QARS1: variants seen among roughly 807,000 people sequenced by gnomAD.
The protein encoded by QARS1 is glutaminyl-tRNA synthetase 1, also known as glutamine--tRNA ligase.
In QARS1, 79 loss-of-function variants were observed where a neutral mutation model predicts 106.9. That is an observed-to-expected ratio of 0.74 (90% CI 0.62 to 0.89). The LOEUF (loss-of-function observed/expected upper bound fraction) is 0.89. Among genes scored for constraint, QARS1 ranks in the 40% least tolerant of loss-of-function variants. QARS1 has a pLI of 0.00. For missense variants in QARS1, 966 were observed against 997.2 expected (o/e 0.97, Z 0.42); for synonymous variants, 395 against 367.7 (o/e 1.07, Z -0.85).
At position 49,103,907 on chromosome 3, in the gene QARS1, A is replaced by C; in HGVS notation, c.331T>G (p.Cys111Gly). ...PIDTVDFERE[C>G]GVGVIVTPEQ... is the part of the protein sequence containing the mutation. The stretch of plus-strand genomic sequence containing the variant: ...GGGGTCACAATGACACCCACGCCAC[A>C]TTCCCGCTCGAAGTCCACAGTGTCG... Residue 111 changes from cysteine (C) to glycine (G), a missense_variant, in exon 3 of 24, where the codon TGT becomes GGT. Physicochemically the swap from Cys to Gly is radical, Grantham distance 159. Transcript: ENST00000306125. The C allele has an allele frequency of 1.2e-6, 2 of 1,614,014 alleles. No individual in the cohort carries two copies. Among genetic ancestry groups the C allele is most frequent in the Non-Finnish European group, 1.7e-6 (2 of 1,180,004 alleles).
chr3:49,098,151 AGGG>A (rs763213756), intron 22 of QARS1, 34 bp from the exon 23 acceptor site: 301 of 1,614,172 alleles, frequency 1.9e-4, no homozygotes, highest in Admixed American at 3.7e-4. Context: ...CCATCCAACC[AGGG>A]AGGCCTACCT....
In QARS1 at chr3:49,103,401, G is replaced by C; in HGVS notation, c.460C>G (p.Arg154Gly). 1 of 1,613,968 alleles carries C rather than the reference G, an allele frequency of 6.2e-7. No homozygotes were observed. The highest frequency in any genetic ancestry group is 8.5e-7 in the Non-Finnish European group (1 of 1,180,018). ...CCATCTGCCCACTTCAGCACAGCCC[G>C]AGCCTCTCCTAGAAGCATAGGCACA... is the stretch of plus-strand genomic sequence containing the variant. The part of the protein sequence containing the change: ...FNMGLLMGEA[R>G]AVLKWADGKM... Residue 154 changes from arginine (R) to glycine (G), a missense_variant, in exon 5 of 24, where the codon CGG (arginine) becomes GGG (glycine). Physicochemically the swap from Arg to Gly is moderately radical, Grantham distance 125. Transcript: ENST00000306125.
At position 49,098,399 on chromosome 3, in the gene QARS1, A is replaced by T; in HGVS notation, c.2038T>A (p.Trp680Arg). ...AGEKPKAFIH[W>R]VSQPLMCEVR... is the part of the protein sequence containing the mutation. ...TCACACATCAAAGGCTGTGACACCC[A>T]GTGAATAAAGGCCTTTGGCTTCTCT... Residue 680 changes from tryptophan (W) to arginine (R), a missense_variant, in exon 21 of 24, where the codon TGG (tryptophan) becomes AGG (arginine). Transcript: ENST00000306125. The T allele has an allele frequency of 6.2e-7, 1 of 1,614,160 alleles. No homozygotes were observed.
intron 13 of QARS1, 21 bp from the exon 14 acceptor site, chr3:49,100,112 G>A (rs368070270): frequency 3.0e-5 from 48 of 1,614,114 alleles, no homozygotes; most frequent in Non-Finnish European, 4.1e-5. Context: ...CAAGGACTCA[G>A]GCTGTCTCTA....
intron 5 of QARS1, among the ~76,000 whole-genome samples, chr3:49,102,931 A>G (rs2042490218): frequency 6.6e-6 from 1 of 152,164 alleles, no homozygotes; most frequent in African/African-American, 2.4e-5. Flanking sequence ...GGTGTGAGCC[A>G]CCATGCCCAG....
At position 49,103,885 on chromosome 3, in the gene QARS1, G is replaced by A; in HGVS notation, c.353C>T (p.Thr118Ile). 6.2e-7 allele frequency: 1 copy of A among 1,614,038 alleles called. No homozygotes were observed. Among genetic ancestry groups the A allele is most frequent in the South Asian group, 1.1e-5 (1 of 91,084 alleles). The change falls in exon 3 of 24, where the codon ACC becomes ATC. Residue 118 changes from threonine (T) to isoleucine (I), a missense_variant. Transcript: ENST00000306125. ...ERECGVGVIV[T>I]PEQIEEAVEA... The stretch of plus-strand genomic sequence containing the variant: ...CACAGCCTCCTCAATCTGCTCTGGG[G>A]TCACAATGACACCCACGCCACATTC...
At chr3:49,101,589 C>T in intron 9 of QARS1, 31 bp downstream of exon 9, 1 of 1,611,524 alleles carries the variant, frequency 6.2e-7, no homozygotes, top group Non-Finnish European at 8.5e-7. Flanking sequence ...TGTTTGATGG[C>T]ACAAGCTCAC....
At chr3:49,101,268 A>G in intron 10 of QARS1, 87 bp downstream of exon 10, 1 of 1,037,452 alleles carries the variant, frequency 9.6e-7, no homozygotes, top group Middle Eastern at 2.7e-4. Flanking sequence ...CATTATTGGG[A>G]GCAGACAGCA....
chr3:49,103,291 G>A (rs2042494418), intron 5 of QARS1, 54 bp downstream of exon 5: 2 of 1,581,418 alleles, frequency 1.3e-6, no homozygotes, highest in African/African-American at 1.3e-5. Context: ...GTGGATTCCA[G>A]GCTCTGTTCA....
chr3:49,099,063 C>T, intron 18 of QARS1, 47 bp downstream of exon 18: 1 of 1,613,798 alleles, frequency 6.2e-7, no homozygotes, highest in South Asian at 1.1e-5. Context: ...CCAAGTGTAC[C>T]CCCAGCTACA....
rs760938297 is a variant in QARS1, at chr3:49,101,838, G to A, written c.693C>T (p.Phe231=). 21 of 1,612,460 alleles carry A rather than the reference G, an allele frequency of 1.3e-5. No homozygotes were observed. The highest frequency in any genetic ancestry group is 1.8e-5 in the Non-Finnish European group (21 of 1,179,162). ...GACATGCCCACTAACCAGGCTTGTGGAACTTAAGGGCCTCCCCCCGGAGCT... is the reference window on the plus strand; with the variant it reads ...GACATGCCCACTAACCAGGCTTGTGAAACTTAAGGGCCTCCCCCCGGAGCT... ...MEQLRGEALK[F]HKPGENYKTP... The change falls in exon 8 of 24, where the codon TTC becomes TTT. Residue 231 remains phenylalanine, a synonymous_variant. Transcript: ENST00000306125.
In QARS1 at chr3:49,098,479, C is replaced by T. The variant is rs770657741; in HGVS notation, c.1958G>A (p.Gly653Asp). The change falls in exon 21 of 24, where the codon GGC becomes GAC. Residue 653 changes from glycine (G) to aspartate (D), a missense_variant and splice_region_variant. Transcript: ENST00000306125. The part of the protein sequence containing the change: ...YVIELQHVVK[G>D]PSGCVESLEV... Reference sequence around the variant, plus strand: ...CAGACTCTCTACACAACCACTGGGGCCCTGGAAGTGGGGGGAGGGGAGCAG... The same window carrying T: ...CAGACTCTCTACACAACCACTGGGGTCCTGGAAGTGGGGGGAGGGGAGCAG... The T allele has an allele frequency of 6.2e-7, 1 of 1,614,186 alleles. No homozygotes were observed. The highest frequency in any genetic ancestry group is 8.5e-7 in the Non-Finnish European group (1 of 1,180,026).
At position 49,099,656 on chromosome 3, in the gene QARS1, GGA is replaced by G. The variant is rs1559967336; in HGVS notation, c.1389-11_1389-10del. The G allele has an allele frequency of 6.2e-7, 1 of 1,613,868 alleles. No homozygotes were observed. Among genetic ancestry groups the G allele is most frequent in the African/African-American group, 1.3e-5 (1 of 74,888 alleles). On this transcript the variant is annotated splice_polypyrimidine_tract_variant and intron_variant, in intron 15 of 23. Coordinates refer to ENST00000306125, the MANE Select transcript of QARS1 (RefSeq NM_005051.3). ...AGAAGTAGGAAGAGCGTCTGGGGTG[GGA>G]GAGTAGGGTTAGCACTGGCCAGCTC...
chr3:49,098,014 T>A lies in QARS1; in HGVS notation c.2255A>T (p.Asp752Val), dbSNP rs780539823. The A allele has an allele frequency of 5.0e-6, 8 of 1,614,172 alleles. No individual in the cohort carries two copies. The highest frequency in any genetic ancestry group is 6.8e-6 in the Non-Finnish European group (8 of 1,180,036). Residue 752 changes from aspartate (D) to valine (V), a missense_variant, in exon 23 of 24, where the codon GAT becomes GTT. By Grantham distance (152) the Asp-to-Val change is radical (BLOSUM62 -3). Coordinates refer to ENST00000306125, the MANE Select transcript of QARS1 (RefSeq NM_005051.3). ...CACCTTTCCCTGATGGCTGTCTGGA[T>A]CCACGGAGAAATATCCAAGACGCTC... Reference protein sequence around the residue: ...QFERLGYFSVDPDSHQGKLVF... With the variant: ...QFERLGYFSVVPDSHQGKLVF...
At chr3:49,101,935 G>A (rs376706914) in intron 7 of QARS1, 36 bp from the exon 8 acceptor site, 1 of 1,582,922 alleles carries the variant, frequency 6.3e-7, no homozygotes. Context: ...TTGTCCTCTA[G>A]ATACATTTAC....
Position 49,103,499 on chromosome 3 carries a change from G to A in QARS1, c.452-90C>T, listed in dbSNP as rs2042498067. On this transcript the variant is annotated intron_variant, in intron 4 of 23. Coordinates refer to ENST00000306125, the MANE Select transcript of QARS1 (RefSeq NM_005051.3). ...AAGGAAAGGTCCTGGCTGACCACCAGAACCAGAGCCTGAGCCCAGCCAGAC... is the reference window on the plus strand; with the variant it reads ...AAGGAAAGGTCCTGGCTGACCACCAAAACCAGAGCCTGAGCCCAGCCAGAC... 1.3e-5 allele frequency: 20 copies of A among 1,582,658 alleles called. 1 individual carries two copies. In the South Asian group the frequency reaches 2.2e-4, roughly 18 times the overall value.
rs761265228 is a variant in QARS1 at position 49,098,683 on chromosome 3, GC to G, written c.1872del (p.Glu624AspfsTer15). ...CCCCAAGCCAGGCGCTTAAATCCTG[GC>G]TCTGGCTCCTAGAGATAGGAAGTGG... is the stretch of plus-strand genomic sequence containing the variant. ...IERTDFKEEP[E>X]PGFKRLAWGQ... On this transcript the variant is annotated frameshift_variant, in exon 20 of 24. Transcript: ENST00000306125. LOFTEE classifies it high-confidence loss of function. 6.3e-7 allele frequency: 1 copy of G among 1,598,126 alleles called. No individual in the cohort carries two copies. The highest frequency in any genetic ancestry group is 8.5e-7 in the Non-Finnish European group (1 of 1,173,006).
Position 49,101,320 on chromosome 3 carries a change from C to A in QARS1, c.876+35G>T. 3.3e-6 allele frequency: 5 copies of A among 1,509,432 alleles called. No homozygotes were observed. The South Asian group carries it at 4.6e-5, about 14-fold the overall frequency. 93.5% of individuals were successfully genotyped at this position (1,509,432 alleles called of 1,614,324 possible). ...TCCACTCATGGGAACAGCAAGTGGTCATCTTGCTTGCCAGGTCCCTAGACA... is the reference window on the plus strand; with the variant it reads ...TCCACTCATGGGAACAGCAAGTGGTAATCTTGCTTGCCAGGTCCCTAGACA... On this transcript the variant is annotated intron_variant, in intron 10 of 23. Coordinates refer to ENST00000306125, the MANE Select transcript of QARS1 (RefSeq NM_005051.3).
intron 10 of QARS1, among the ~76,000 whole-genome samples, chr3:49,101,007 G>A (rs1171423563): frequency 6.6e-6 from 1 of 152,190 alleles, no homozygotes; most frequent in Non-Finnish European, 1.5e-5. Flanking sequence ...CTCCCGAAGT[G>A]TTGAGATTAC....
Sources: allele counts gnomAD v4.1 joint callset (sites outside exome capture counted in the v4.1 genomes callset), GRCh38; gene constraint gnomAD v4.1.1; transcripts MANE v1.5; gene names NCBI Gene and HGNC (gene_info 2026-07-23, HGNC 2026-07-21).